The following BTBD9 variants were observed in gnomAD, a reference collection of about 807,000 sequenced individuals.
The protein encoded by BTBD9 is BTB/POZ domain-containing protein 9.
Under a neutral mutation model 64.3 loss-of-function variants are expected in BTBD9, and 49 were observed. The observed-to-expected ratio is 0.76, with a 90% CI of 0.61 to 0.97. The LOEUF is 0.97. BTBD9 is among the 50% of genes least tolerant of loss of function. The probability of loss-of-function intolerance (pLI) is 0.00; values close to 1 mark genes in which losing one functional copy is unlikely to be tolerated. For synonymous variants in BTBD9, 260 were observed against 274.7 expected (o/e 0.95, Z 0.53); for missense variants, 598 against 762.1 (o/e 0.78, Z 2.53).
intron 10 of BTBD9, among the ~76,000 whole-genome samples, chr6:38,176,270 C>T (rs1761244176): frequency 6.6e-6 from 1 of 152,230 alleles, no homozygotes; most frequent in Non-Finnish European, 1.5e-5. Flanking sequence ...GTAGTATCAA[C>T]TGCAGAATTA....
At chr6:38,336,489 G>T (rs554800369) in intron 7 of BTBD9, among the ~76,000 whole-genome samples, 1 of 151,966 alleles carries the variant, frequency 6.6e-6, no homozygotes, top group Admixed American at 6.5e-5. Flanking sequence ...GAGAAGTGCC[G>T]AAAAAAGGGG....
chr6:38,483,557 T>C (rs1771261115), intron 6 of BTBD9, among the ~76,000 whole-genome samples: 1 of 152,054 alleles, frequency 6.6e-6, no homozygotes, highest in Non-Finnish European at 1.5e-5. Flanking sequence ...CCATCATCCT[T>C]AGAATTCGAC....
At chr6:38,526,877 C>T (rs1251764548) in intron 6 of BTBD9, among the ~76,000 whole-genome samples, 2 of 152,070 alleles carry the variant, frequency 1.3e-5, no homozygotes, top group Non-Finnish European at 2.9e-5. Flanking sequence ...AGGGGCTTGC[C>T]CTGTCTCAGA....
At chr6:38,567,065 C>T (rs1047047262) in intron 6 of BTBD9, among the ~76,000 whole-genome samples, 8 of 152,116 alleles carry the variant, frequency 5.3e-5, no homozygotes, top group Non-Finnish European at 1.0e-4. Context: ...GAAGGAAAAA[C>T]GTCTTTTGGC....
At chr6:38,310,878 T>G (rs1320945422) in intron 7 of BTBD9, among the ~76,000 whole-genome samples, 1 of 152,218 alleles carries the variant, frequency 6.6e-6, no homozygotes, top group East Asian at 1.9e-4. Flanking sequence ...TGGCGTGATC[T>G]TGACTCACTG....
chr6:38,358,563 C>A (rs1319032826), intron 6 of BTBD9, among the ~76,000 whole-genome samples: 1 of 152,078 alleles, frequency 6.6e-6, no homozygotes, highest in Non-Finnish European at 1.5e-5. Flanking sequence ...AGCAGGGTGG[C>A]CAAGGATTCT....
At chr6:38,324,809 C>G (rs1485832096) in intron 7 of BTBD9, among the ~76,000 whole-genome samples, 2 of 152,034 alleles carry the variant, frequency 1.3e-5, no homozygotes, top group Non-Finnish European at 2.9e-5. Flanking sequence ...GATAAAGGTC[C>G]CAGAGAAACT....
intron 1 of BTBD9, among the ~76,000 whole-genome samples, chr6:38,633,348 T>A (rs922055390): frequency 1.3e-5 from 2 of 152,224 alleles, no homozygotes; most frequent in Non-Finnish European, 2.9e-5. Context: ...ACAGTTCCCA[T>A]TCTGGAACTC....
In BTBD9 at chr6:38,258,196, G is replaced by A. The variant is rs187280151; in HGVS notation, c.1455-1680C>T. Among the ~76,000 whole-genome samples, 219 of 152,070 alleles carry A rather than the reference G, an allele frequency of 1.4e-3. 4 individuals carry two copies. The East Asian group carries it at 0.031, about 21-fold the overall frequency. On this transcript the variant is annotated intron_variant, in intron 8 of 10. Coordinates refer to ENST00000481247, the MANE Select transcript of BTBD9 (RefSeq NM_001099272.2). ...AGATGGGGTATCACCAAGTTGGCCA[G>A]GCTGGTCTCGAACTCCTGACCTCAG...
At chr6:38,417,738 A>AT (rs2127270220) in intron 6 of BTBD9, among the ~76,000 whole-genome samples, 1 of 150,126 alleles carries the variant, frequency 6.7e-6, no homozygotes, top group African/African-American at 2.5e-5. Flanking sequence ...GCGCCACTGC[A>AT]TTCCAGCCTA....
intron 6 of BTBD9, among the ~76,000 whole-genome samples, chr6:38,456,954 A>G (rs997440385): frequency 2.6e-5 from 4 of 152,260 alleles, no homozygotes; most frequent in African/African-American, 9.6e-5. Flanking sequence ...CATGATAAAG[A>G]TAGAGTTATC....
At chr6:38,558,213 T>C (rs568606973) in intron 6 of BTBD9, among the ~76,000 whole-genome samples, 2 of 152,130 alleles carry the variant, frequency 1.3e-5, no homozygotes, top group Admixed American at 6.5e-5. Flanking sequence ...GGGAATGATT[T>C]TGCCACTGCA....
chr6:38,443,411 C>T lies in BTBD9; in HGVS notation c.1155-98318G>A, dbSNP rs569203280. Among the ~76,000 whole-genome samples the T allele has an allele frequency of 3.2e-4, 49 of 152,292 alleles. 1 individual carries two copies. The highest frequency in any genetic ancestry group is 3.1e-3 in the Admixed American group (47 of 15,290). Reference sequence around the variant, plus strand: ...TTCACTTGTTTCTGTCATGTGTTTTCATGTTCATTTCACAATGCATGCCCT... The same window carrying T: ...TTCACTTGTTTCTGTCATGTGTTTTTATGTTCATTTCACAATGCATGCCCT... On this transcript the variant is annotated intron_variant, in intron 6 of 10. Coordinates refer to ENST00000481247, the MANE Select transcript of BTBD9 (RefSeq NM_001099272.2).
intron 6 of BTBD9, among the ~76,000 whole-genome samples, chr6:38,529,466 A>G (rs1028847823): frequency 6.6e-6 from 1 of 152,170 alleles, no homozygotes; most frequent in Non-Finnish European, 1.5e-5. Context: ...CTTCCCAAGA[A>G]GGACAGATAC....
intron 6 of BTBD9, among the ~76,000 whole-genome samples, chr6:38,494,101 T>C (rs796113407): frequency 1.2e-4 from 18 of 152,342 alleles, no homozygotes; most frequent in African/African-American, 3.8e-4. Context: ...CGATGACTTC[T>C]GACTTGAATA....
At chr6:38,205,519 A>G (rs1429227212) in intron 9 of BTBD9, among the ~76,000 whole-genome samples, 2 of 152,148 alleles carry the variant, frequency 1.3e-5, no homozygotes, top group East Asian at 3.8e-4. Flanking sequence ...ATTCACCTTC[A>G]TCCTCTCTTT....
chr6:38,570,425 GT>G (rs1007240237), intron 6 of BTBD9, among the ~76,000 whole-genome samples: 25 of 152,124 alleles, frequency 1.6e-4, no homozygotes, highest in African/African-American at 5.8e-4. Flanking sequence ...TTAAGTAGCG[GT>G]TTTTCTCCTA....
chr6:38,222,254 G>GTTTTTTTTTTTTTTTTTTTT lies in BTBD9; in HGVS notation c.1563-29658_1563-29657insAAAAAAAAAAAAAAAAAAAA, dbSNP rs771737210. Among the ~76,000 whole-genome samples the GTTTTTTTTTTTTTTTTTTTT allele has an allele frequency of 1.3e-4, 13 of 96,702 alleles. 5 individuals carry two copies. Among genetic ancestry groups the GTTTTTTTTTTTTTTTTTTTT allele is most frequent in the African/African-American group, 2.0e-4 (5 of 24,656 alleles). 63.4% of individuals were successfully genotyped at this position (96,702 alleles called of 152,430 possible). ...TAAATTAGCCTTAATAATTCATTCAGTTGTTTTTTTTTTTTTTTTTTTTTT... is the reference window on the plus strand; with the variant it reads ...TAAATTAGCCTTAATAATTCATTCAGTTTTTTTTTTTTTTTTTTTTTTGTTTTTTTTTTTTTTTTTTTTTT... On this transcript the variant is annotated intron_variant, in intron 9 of 10. Coordinates refer to ENST00000481247, the MANE Select transcript of BTBD9 (RefSeq NM_001099272.2).
At chr6:38,180,817 G>T (rs1761520843) in intron 10 of BTBD9, among the ~76,000 whole-genome samples, 1 of 152,226 alleles carries the variant, frequency 6.6e-6, no homozygotes, top group South Asian at 2.1e-4. Flanking sequence ...AATGGCCTCT[G>T]GATCTCTCCC....
Sources: gnomAD v4.1 joint callset for allele counts (sites outside exome capture counted in the v4.1 genomes callset) on GRCh38, gnomAD v4.1.1 for gene constraint, MANE v1.5 for transcripts, NCBI Gene and HGNC (gene_info 2026-07-23, HGNC 2026-07-21) for gene names.